The following NOX5 variants were observed in gnomAD, a reference collection of about 807,000 sequenced individuals.
NOX5 encodes the protein NADPH oxidase 5, also known as NADPH oxidase, EF-hand calcium binding domain 5.
NOX5 carries 76 observed loss-of-function variants against 85.7 expected under a neutral mutation model. That is an observed-to-expected ratio of 0.89 (90% CI 0.74 to 1.07). NOX5 has a LOEUF of 1.07. NOX5 is among the 50% of genes least tolerant of loss of function. NOX5 has a pLI of 0.00. For synonymous variants in NOX5, 405 were observed against 401.4 expected (o/e 1.01, Z -0.11); for missense variants, 973 against 999.5 (o/e 0.97, Z 0.36).
chr15:69,018,272 A>G (rs2050254755), intron 1 of NOX5, among the ~76,000 whole-genome samples: 1 of 152,022 alleles, frequency 6.6e-6, no homozygotes, highest in Admixed American at 6.5e-5. Flanking sequence ...GGGACCGGGT[A>G]CTTGCTCAGG....
At chr15:69,048,043 T>C in intron 13 of NOX5, 132 bp downstream of exon 13, 4 of 719,612 alleles carry the variant, frequency 5.6e-6, no homozygotes, top group Non-Finnish European at 7.0e-6. Context: ...TTCCCCACAA[T>C]ACCCTGAATT....
At chr15:69,041,077 G>GAT (rs1171027035) in intron 9 of NOX5, among the ~76,000 whole-genome samples, 10 of 152,176 alleles carry the variant, frequency 6.6e-5, no homozygotes, top group Non-Finnish European at 1.5e-4. Context: ...AGCTGAGAGG[G>GAT]TTCATGTGGG....
At chr15:69,045,536 T>TTTTCTCTTTC (rs2050653485) in intron 10 of NOX5, among the ~76,000 whole-genome samples, 1 of 94,470 alleles carries the variant, frequency 1.1e-5, no homozygotes, top group Non-Finnish European at 1.9e-5. Context: ...TTCCTTTCTT[T>TTTTCTCTTTC]TTTCTTTCTT....
chr15:69,047,686 T>G lies in NOX5; in HGVS notation c.1818-144T>G, dbSNP rs1001542811. On this transcript the variant is annotated intron_variant, in intron 12 of 15. Coordinates refer to ENST00000388866, the MANE Select transcript of NOX5 (RefSeq NM_024505.4). The stretch of plus-strand genomic sequence containing the variant: ...TCTTTCCTCTCCTGCTCTGCCCCCC[T>G]CTCCTTTTTGTGTCTCATCCCTCCC... The G allele has an allele frequency of 4.5e-6, 6 of 1,328,890 alleles. No homozygotes were observed. The African/African-American group carries it at 8.8e-5, about 19-fold the overall frequency. The allele number at this position is 1,328,890 out of a possible 1,614,324, so 82.3% of individuals were successfully genotyped here.
Position 69,031,592 on chromosome 15 carries a change from C to A in NOX5, c.400C>A (p.Leu134Ile), listed in dbSNP as rs1295387731. Residue 134 changes from leucine (L) to isoleucine (I), a missense_variant, in exon 4 of 16, where the codon CTC becomes ATC. By Grantham distance (5) the Leu-to-Ile change is conservative (BLOSUM62 2). Transcript: ENST00000388866. ...GAGPHWASSP[L>I]GTGSGSIDPD... ...AGGCCCGCACTGGGCTTCATCCCCA[C>A]TCGGGACAGGCAGTGGCTCCATTGA... 1 of 1,613,176 alleles carries A rather than the reference C, an allele frequency of 6.2e-7. No homozygotes were observed. The highest frequency in any genetic ancestry group is 1.3e-5 in the African/African-American group (1 of 75,076).
intron 1 of NOX5, among the ~76,000 whole-genome samples, chr15:69,024,718 C>T (rs2050335100): frequency 6.6e-6 from 1 of 152,032 alleles, no homozygotes; most frequent in South Asian, 2.1e-4. Flanking sequence ...ATATAGGAAA[C>T]ACATAGTCTA....
intron 1 of NOX5, among the ~76,000 whole-genome samples, chr15:69,016,156 A>C (rs914556473): frequency 3.3e-5 from 5 of 152,160 alleles, no homozygotes; most frequent in African/African-American, 1.2e-4. Flanking sequence ...AGGGGCCAAT[A>C]TACTAAATAA....
chr15:69,024,615 T>C (rs1006978715), intron 1 of NOX5, among the ~76,000 whole-genome samples: 4 of 152,194 alleles, frequency 2.6e-5, no homozygotes, highest in African/African-American at 9.7e-5. Context: ...TATATTGTTA[T>C]ATATTGTTAT....
intron 14 of NOX5, among the ~76,000 whole-genome samples, chr15:69,052,056 G>C (rs1227785046): frequency 6.6e-6 from 1 of 151,972 alleles, no homozygotes; most frequent in Non-Finnish European, 1.5e-5. Flanking sequence ...TACAAAAAAT[G>C]TTTTTTAAAA....
At chr15:69,028,548 C>G (rs966975937) in intron 3 of NOX5, 183 bp downstream of exon 3, 4 of 477,792 alleles carry the variant, frequency 8.4e-6, no homozygotes, top group Non-Finnish European at 1.4e-5. Context: ...TCCCCAGTCT[C>G]TCTGTCTAAT....
intron 1 of NOX5, chr15:69,024,180 A>T (rs2050328304): frequency 6.6e-6 from 1 of 152,230 alleles, no homozygotes; most frequent in South Asian, 2.1e-4. Context: ...ATATTCTTAC[A>T]TTTCCCTTTA....
At position 69,026,519 on chromosome 15, in the gene NOX5, G is replaced by A. The variant is rs1376864541; in HGVS notation, c.51-9G>A. On this transcript the variant is annotated splice_polypyrimidine_tract_variant and intron_variant, in intron 1 of 15. Transcript: ENST00000388866. Reference sequence around the variant, plus strand: ...CCAAGCCCATAAACCTGTTTCCTTTGCCTCCCAGCACCATGAGTGCCGAGG... The same window carrying A: ...CCAAGCCCATAAACCTGTTTCCTTTACCTCCCAGCACCATGAGTGCCGAGG... 4 of 1,614,066 alleles carry A rather than the reference G, an allele frequency of 2.5e-6. No individual in the cohort carries two copies. Among genetic ancestry groups the A allele is most frequent in the Non-Finnish European group, 3.4e-6 (4 of 1,179,972 alleles).
At chr15:69,051,278 C>T (rs1267653506) in intron 14 of NOX5, among the ~76,000 whole-genome samples, 1 of 152,210 alleles carries the variant, frequency 6.6e-6, no homozygotes, top group Admixed American at 6.5e-5. Context: ...CAATGATAGT[C>T]CCGTGCCACC....
At chr15:69,054,358 C>T (rs1215159067) in intron 14 of NOX5, among the ~76,000 whole-genome samples, 3 of 152,194 alleles carry the variant, frequency 2.0e-5, no homozygotes, top group African/African-American at 7.2e-5. Flanking sequence ...TGGGCTCCTT[C>T]GTCCCAGTCT....
At chr15:69,016,038 A>G (rs1430996367) in intron 1 of NOX5, among the ~76,000 whole-genome samples, 1 of 152,182 alleles carries the variant, frequency 6.6e-6, no homozygotes, top group Non-Finnish European at 1.5e-5. Flanking sequence ...GCCACGAGGG[A>G]TGAGAAGGTC....
At chr15:69,041,975 AG>A (rs1187455637) in intron 9 of NOX5, among the ~76,000 whole-genome samples, 2 of 152,034 alleles carry the variant, frequency 1.3e-5, no homozygotes, top group Non-Finnish European at 2.9e-5. Context: ...GGAAGCCAAA[AG>A]ATTGGCCATC....
At chr15:69,036,187 T>A (rs554878671) in intron 7 of NOX5, among the ~76,000 whole-genome samples, 1 of 152,264 alleles carries the variant, frequency 6.6e-6, no homozygotes, top group South Asian at 2.1e-4. Flanking sequence ...TTGGATTAAG[T>A]TGGGCTTAAA....
At chr15:69,033,472 C>G (rs553639310) in intron 5 of NOX5, among the ~76,000 whole-genome samples, 195 bp downstream of exon 5, 1 of 152,282 alleles carries the variant, frequency 6.6e-6, no homozygotes, top group African/African-American at 2.4e-5. Context: ...GTCACACAGC[C>G]AGTAAATAAT....
rs1280013592 is a variant in NOX5, at chr15:69,047,444, C to T, written c.1724C>T (p.Thr575Ile). 5 of 1,613,824 alleles carry T rather than the reference C, an allele frequency of 3.1e-6. No individual in the cohort carries two copies. The highest frequency in any genetic ancestry group is 2.7e-5 in the African/African-American group (2 of 74,920). Residue 575 changes from threonine (T) to isoleucine (I), a missense_variant, in exon 12 of 16, where the codon ACC (threonine) becomes ATC (isoleucine). Thr to Ile is a moderately conservative substitution (Grantham distance 89). Coordinates refer to ENST00000388866, the MANE Select transcript of NOX5 (RefSeq NM_024505.4). ...CYIDGPYGTPTRRIFASEHAV... is the reference protein window; with the variant it reads ...CYIDGPYGTPIRRIFASEHAV... ...ATCGATGGGCCTTATGGGACCCCCA[C>T]CCGCAGGATCTTTGCCTCTGAGCAT...
Sources: gnomAD v4.1 joint callset for allele counts (sites outside exome capture counted in the v4.1 genomes callset) on GRCh38, gnomAD v4.1.1 for gene constraint, MANE v1.5 for transcripts, NCBI Gene and HGNC (gene_info 2026-07-23, HGNC 2026-07-21) for gene names.